Variants in IL22RA1 observed in about 807,000 individuals in gnomAD.
The protein encoded by IL22RA1 is interleukin-22 receptor subunit alpha-1.
A neutral mutation model predicts 32.8 loss-of-function variants in IL22RA1; 25 were observed. That is an observed-to-expected ratio of 0.76 (90% CI 0.55 to 1.06). The LOEUF (loss-of-function observed/expected upper bound fraction) is 1.06. Ranked by LOEUF, IL22RA1 falls within the 50% of genes least tolerant of loss-of-function variation. The pLI is 0.00. For synonymous variants in IL22RA1, 305 were observed against 305.0 expected (o/e 1.00, Z 0.00); for missense variants, 709 against 727.4 (o/e 0.97, Z 0.29).
chr1:24,128,035 G>T, intron 5 of IL22RA1, 106 bp downstream of exon 5: 14 of 1,185,090 alleles, frequency 1.2e-5, no homozygotes, highest in Non-Finnish European at 1.6e-5. Flanking sequence ...CCCTTCCATG[G>T]TTTTCTAGAG....
intron 2 of IL22RA1, among the ~76,000 whole-genome samples, chr1:24,138,212 T>C (rs1185262447): frequency 1.3e-5 from 2 of 152,190 alleles, no homozygotes; most frequent in African/African-American, 4.8e-5. Context: ...TGGTAGCTTA[T>C]AAATTTCCAG....
intron 3 of IL22RA1, among the ~76,000 whole-genome samples, chr1:24,135,996 C>G (rs1380103521): frequency 6.6e-6 from 1 of 152,152 alleles, no homozygotes; most frequent in Non-Finnish European, 1.5e-5. Flanking sequence ...ACTGTGTCAC[C>G]TAAGTTGGAG....
At chr1:24,135,220 G>A (rs1234268627) in intron 3 of IL22RA1, among the ~76,000 whole-genome samples, 1 of 152,020 alleles carries the variant, frequency 6.6e-6, no homozygotes, top group African/African-American at 2.4e-5. Context: ...TAATGATATG[G>A]GTAAATGTTC....
intron 4 of IL22RA1, among the ~76,000 whole-genome samples, chr1:24,130,519 C>G (rs943003409): frequency 1.3e-5 from 2 of 152,120 alleles, no homozygotes; most frequent in African/African-American, 4.8e-5. Flanking sequence ...TAATTGCCTA[C>G]CAAAACCGGA....
At chr1:24,131,544 G>T (rs778324065) in intron 4 of IL22RA1, among the ~76,000 whole-genome samples, 3 of 152,132 alleles carry the variant, frequency 2.0e-5, no homozygotes, top group African/African-American at 7.2e-5. Flanking sequence ...ATGACAGAAG[G>T]TTCAATCTAT....
chr1:24,141,447 G>A (rs1409544222), intron 1 of IL22RA1, among the ~76,000 whole-genome samples: 2 of 152,184 alleles, frequency 1.3e-5, no homozygotes, highest in Non-Finnish European at 1.5e-5. Flanking sequence ...GTTGCTGGTT[G>A]AGGTCAGTGT....
rs1644115303 is a variant in IL22RA1 at position 24,120,933 on chromosome 1, G to A, written c.1597C>T (p.Leu533=). ...TCCTTGGGACACACAAGGGACTCCAGCAGGCCCCAGGGACTTGGACCTTGG... is the reference window on the plus strand; with the variant it reads ...TCCTTGGGACACACAAGGGACTCCAACAGGCCCCAGGGACTTGGACCTTGG... ...SDQGPSPWGL[L]ESLVCPKDEA... The change falls in exon 7 of 7, where the codon CTG becomes TTG. Residue 533 remains leucine, a synonymous_variant. Coordinates refer to ENST00000270800, the MANE Select transcript of IL22RA1 (RefSeq NM_021258.4). The A allele has an allele frequency of 6.2e-7, 1 of 1,614,138 alleles. No homozygotes were observed. The highest frequency in any genetic ancestry group is 1.1e-5 in the South Asian group (1 of 91,086).
intron 2 of IL22RA1, 147 bp downstream of exon 2, chr1:24,138,435 A>G (rs1569582257): frequency 1.2e-6 from 1 of 838,942 alleles, no homozygotes; most frequent in Non-Finnish European, 1.9e-6. Flanking sequence ...TGCAAAAGAA[A>G]CATAAAGGAG....
At chr1:24,129,043 T>C (rs981764147) in intron 4 of IL22RA1, among the ~76,000 whole-genome samples, 2 of 152,172 alleles carry the variant, frequency 1.3e-5, no homozygotes, top group African/African-American at 2.4e-5. Flanking sequence ...CTTGTTTCTT[T>C]GCATCTGCCA....
rs560020866 is a variant in IL22RA1 at position 24,131,064 on chromosome 1, A to G, written c.532-2785T>C. ...CCAGGAAGTGAAACAAAATAAGCTC[A>G]TATTGAATGAATGAATAGAAAATCT... On this transcript the variant is annotated intron_variant, in intron 4 of 6. Coordinates refer to ENST00000270800, the MANE Select transcript of IL22RA1 (RefSeq NM_021258.4). 4.6e-5 allele frequency among the ~76,000 whole-genome samples: 7 copies of G among 152,378 alleles called. No individual in the cohort carries two copies. The South Asian group carries it at 1.4e-3, about 32-fold the overall frequency.
intron 1 of IL22RA1, 39 bp from the exon 2 acceptor site, chr1:24,138,753 C>CAGGGTCACCCTGCCCATGTAT (rs1192927419): frequency 6.2e-7 from 1 of 1,605,114 alleles, no homozygotes; most frequent in South Asian, 1.1e-5. Flanking sequence ...GGGGCTTTCC[C>CAGGGTCACCCTGCCCATGTAT]AGGGTCACCC....
intron 1 of IL22RA1, among the ~76,000 whole-genome samples, chr1:24,140,344 C>T (rs1487202317): frequency 2.0e-5 from 3 of 152,110 alleles, no homozygotes; most frequent in Non-Finnish European, 4.4e-5. Flanking sequence ...CCCCTATGTA[C>T]ATGTGTTGAG....
chr1:24,138,039 C>T (rs552660415), intron 2 of IL22RA1, among the ~76,000 whole-genome samples: 2 of 152,010 alleles, frequency 1.3e-5, no homozygotes, highest in Non-Finnish European at 2.9e-5. Context: ...TACAGGACAA[C>T]GTGGCATGAC....
intron 3 of IL22RA1, 57 bp downstream of exon 3, chr1:24,137,074 G>C (rs187213669): frequency 6.5e-7 from 1 of 1,541,140 alleles, no homozygotes; most frequent in African/African-American, 1.4e-5. Context: ...ATCCCACCCC[G>C]CAAACACCTG....
intron 3 of IL22RA1, among the ~76,000 whole-genome samples, chr1:24,135,729 AC>A (rs1644236973): frequency 6.6e-6 from 1 of 152,202 alleles, no homozygotes; most frequent in Non-Finnish European, 1.5e-5. Flanking sequence ...GAAAATGAGA[AC>A]CAAGCAAAGG....
intron 6 of IL22RA1, 64 bp from the exon 7 acceptor site, chr1:24,121,801 G>T: frequency 7.5e-7 from 1 of 1,324,944 alleles, no homozygotes; most frequent in South Asian, 1.9e-5. Context: ...CCCTACTGGT[G>T]ATGTGGGTGG....
In IL22RA1 at chr1:24,121,071, C is replaced by T. The variant is rs951614998; in HGVS notation, c.1459G>A (p.Gly487Arg). The change falls in exon 7 of 7, where the codon GGG becomes AGG. Residue 487 changes from glycine (G) to arginine (R), a missense_variant. Gly to Arg is a moderately radical substitution (Grantham distance 125). Coordinates refer to ENST00000270800, the MANE Select transcript of IL22RA1 (RefSeq NM_021258.4). ...DPNVLHSGEE[G>R]TPQYLKGQLP... is the part of the protein sequence containing the mutation. ...TGGCCCTTTAGGTACTGTGGTGTCC[C>T]TTCCTCCCCACTGTGTAGCACATTT... The T allele has an allele frequency of 3.7e-6, 6 of 1,614,070 alleles. No individual in the cohort carries two copies. The highest frequency in any genetic ancestry group is 2.2e-5 in the East Asian group (1 of 44,898).
At chr1:24,142,855 C>T (rs1308736052) in intron 1 of IL22RA1, among the ~76,000 whole-genome samples, 185 bp downstream of exon 1, 3 of 152,236 alleles carry the variant, frequency 2.0e-5, no homozygotes, top group Admixed American at 2.0e-4. Flanking sequence ...GAGGCACCCT[C>T]TCATGCCCCC....
At chr1:24,123,147 G>A (rs893110389) in intron 6 of IL22RA1, among the ~76,000 whole-genome samples, 155 bp downstream of exon 6, 3 of 152,198 alleles carry the variant, frequency 2.0e-5, no homozygotes, top group African/African-American at 4.8e-5. Context: ...CTACACGTCC[G>A]TTGACTTTAG....
Sources: gnomAD v4.1 joint callset for allele counts (sites outside exome capture counted in the v4.1 genomes callset) on GRCh38, gnomAD v4.1.1 for gene constraint, MANE v1.5 for transcripts, NCBI Gene and HGNC (gene_info 2026-07-23, HGNC 2026-07-21) for gene names.